The following GRM7 variants were observed in gnomAD, a reference collection of about 807,000 sequenced individuals.
GRM7 encodes the protein glutamate metabotropic receptor 7, also known as metabotropic glutamate receptor 7.
In GRM7, 35 loss-of-function variants were observed where a neutral mutation model predicts 84.5. The ratio of observed to expected loss-of-function variants is 0.41; its 90% CI spans 0.32 to 0.55. The LOEUF (loss-of-function observed/expected upper bound fraction) is 0.55. Among genes scored for constraint, GRM7 ranks in the 20% least tolerant of loss-of-function variants. The pLI is 0.19. For missense variants in GRM7, 1,003 were observed against 1,194.6 expected, an observed-to-expected ratio of 0.84 and a Z score of 2.36; for synonymous variants, 487 against 455.1, an observed-to-expected ratio of 1.07 and a Z score of -0.89.
At chr3:7,726,613 CTATATATA>C (rs56250356) in intron 9 of GRM7, among the ~76,000 whole-genome samples, 2,613 of 57,524 alleles carry the variant, frequency 0.045, 69 homozygotes, top group Non-Finnish European at 0.069. Flanking sequence ...CTCTCTCCCT[CTATATATA>C]TATATATATA....
chr3:7,259,953 G>GTTTTTTTTTTGTTTTGT (rs1553638859), intron 2 of GRM7, among the ~76,000 whole-genome samples: 1 of 89,668 alleles, frequency 1.1e-5, no homozygotes, highest in African/African-American at 5.9e-5. Flanking sequence ...ACCAGCATCT[G>GTTTTTTTTTTGTTTTGT]TTTTTTTTTT....
At chr3:7,095,843 G>A (rs1175704876) in intron 1 of GRM7, among the ~76,000 whole-genome samples, 3 of 152,090 alleles carry the variant, frequency 2.0e-5, no homozygotes, top group Non-Finnish European at 2.9e-5. Flanking sequence ...TCAAGAAAAA[G>A]TAGCAGCCTT....
intron 7 of GRM7, among the ~76,000 whole-genome samples, chr3:7,529,406 T>C (rs1700940658): frequency 6.6e-6 from 1 of 152,112 alleles, no homozygotes; most frequent in African/African-American, 2.4e-5. Context: ...TATTCGCACA[T>C]CCATTCAAGT....
intron 2 of GRM7, among the ~76,000 whole-genome samples, chr3:7,276,615 G>A (rs1436318678): frequency 6.6e-6 from 1 of 151,864 alleles, no homozygotes; most frequent in Non-Finnish European, 1.5e-5. Flanking sequence ...AATCCTAATT[G>A]TGAGGTTCCT....
chr3:7,041,295 C>G (rs912020725), intron 1 of GRM7, among the ~76,000 whole-genome samples: 3 of 152,106 alleles, frequency 2.0e-5, no homozygotes, highest in Admixed American at 6.6e-5. Flanking sequence ...CTCCTGACTC[C>G]TTCCACCTTC....
chr3:7,194,486 A>G (rs542335167), intron 2 of GRM7, among the ~76,000 whole-genome samples: 4 of 152,310 alleles, frequency 2.6e-5, no homozygotes, highest in South Asian at 4.1e-4. Context: ...GGAGTTTTGG[A>G]ATATTTTAAA....
intron 4 of GRM7, among the ~76,000 whole-genome samples, chr3:7,384,131 C>A (rs1238380261): frequency 6.6e-6 from 1 of 152,106 alleles, no homozygotes; most frequent in African/African-American, 2.4e-5. Flanking sequence ...CGGGTTCAAG[C>A]GATTCTCGTG....
rs557655104 is a variant in GRM7 at position 7,090,776 on chromosome 3, G to A, written c.520-55676G>A. ...GATAGAGAAGAGAGAGCAGAAACTC[G>A]AAAATTTAGAAAGGGATCCTCTATC... On this transcript the variant is annotated intron_variant, in intron 1 of 9. Coordinates refer to ENST00000357716, the MANE Select transcript of GRM7 (RefSeq NM_000844.4). Among the ~76,000 whole-genome samples, 7 of 151,490 alleles carry A rather than the reference G, an allele frequency of 4.6e-5. 1 individual carries two copies. The South Asian group carries it at 1.2e-3, about 27-fold the overall frequency.
At chr3:7,512,955 G>C (rs769056792) in intron 7 of GRM7, among the ~76,000 whole-genome samples, 1 of 152,150 alleles carries the variant, frequency 6.6e-6, no homozygotes, top group Non-Finnish European at 1.5e-5. Context: ...TAAGTGTTTA[G>C]CATAATAGAA....
intron 8 of GRM7, among the ~76,000 whole-genome samples, chr3:7,605,080 TAG>T (rs1696499745): frequency 1.3e-5 from 2 of 152,072 alleles, no homozygotes; most frequent in African/African-American, 2.4e-5. Flanking sequence ...TATCATGGAG[TAG>T]AGTTTTTGAT....
intron 4 of GRM7, among the ~76,000 whole-genome samples, chr3:7,318,220 C>A (rs1700651087): frequency 6.6e-6 from 1 of 151,890 alleles, no homozygotes; most frequent in Admixed American, 6.6e-5. Flanking sequence ...ATCACAAGGA[C>A]AAGAAAACAG....
intron 1 of GRM7, among the ~76,000 whole-genome samples, chr3:7,079,538 C>T (rs955548746): frequency 6.6e-6 from 1 of 151,896 alleles, no homozygotes; most frequent in Non-Finnish European, 1.5e-5. Context: ...AAAAATAATT[C>T]AAATTGACTC....
chr3:7,659,353 A>T (rs1699334365), intron 8 of GRM7, among the ~76,000 whole-genome samples: 1 of 152,136 alleles, frequency 6.6e-6, no homozygotes, highest in African/African-American at 2.4e-5. Context: ...ATGAGAGATG[A>T]GCTACTGGGA....
intron 8 of GRM7, among the ~76,000 whole-genome samples, chr3:7,631,799 T>C (rs909082311): frequency 6.6e-6 from 1 of 152,006 alleles, no homozygotes; most frequent in Non-Finnish European, 1.5e-5. Flanking sequence ...AGGGTGAGAA[T>C]AGGGTCAAAA....
chr3:7,408,727 C>G (rs943338863), intron 4 of GRM7, among the ~76,000 whole-genome samples: 2 of 152,196 alleles, frequency 1.3e-5, no homozygotes, highest in Non-Finnish European at 2.9e-5. Flanking sequence ...GGAACATGTC[C>G]TGAGAGCGCA....
chr3:6,967,264 C>G (rs1029922009), intron 1 of GRM7, among the ~76,000 whole-genome samples: 8 of 152,172 alleles, frequency 5.3e-5, no homozygotes, highest in African/African-American at 1.9e-4. Flanking sequence ...TCACAGCTCA[C>G]TCACTGCAGC....
intron 2 of GRM7, among the ~76,000 whole-genome samples, chr3:7,229,283 T>A (rs1032259401): frequency 6.6e-6 from 1 of 152,186 alleles, no homozygotes; most frequent in African/African-American, 2.4e-5. Flanking sequence ...TAGATAACTT[T>A]TTGAGCATTT....
chr3:7,685,788 TA>T (rs199948429), intron 9 of GRM7, among the ~76,000 whole-genome samples: 2,047 of 141,998 alleles, frequency 0.014, 46 homozygotes, highest in African/African-American at 0.043. Flanking sequence ...GTATGTTATT[TA>T]AAAAAAAAAA....
rs972967223 is a variant in GRM7, at chr3:7,690,061, G to A, written c.2698+9766G>A. Among the ~76,000 whole-genome samples the A allele has an allele frequency of 2.0e-5, 3 of 152,242 alleles. No individual in the cohort carries two copies. In the East Asian group the frequency reaches 5.8e-4, roughly 29 times the overall value. On this transcript the variant is annotated intron_variant, in intron 9 of 9. Transcript: ENST00000357716. ...TAAAGGGCTCCAGGCAGCCATAAAC[G>A]GAAAGGCACTCAAGGTAGGGGAAAG...
Sources: allele counts gnomAD v4.1 joint callset (sites outside exome capture counted in the v4.1 genomes callset), GRCh38; gene constraint gnomAD v4.1.1; transcripts MANE v1.5; gene names NCBI Gene and HGNC (gene_info 2026-07-23, HGNC 2026-07-21).